Variants in WTAP observed in about 807,000 individuals in gnomAD.
WTAP encodes pre-mRNA-splicing regulator WTAP.
A neutral mutation model predicts 50.0 loss-of-function variants in WTAP; 8 were observed. The observed-to-expected ratio is 0.16, with a 90% confidence interval of 0.09 to 0.29. The LOEUF is 0.29. Among genes scored for constraint, WTAP ranks in the 10% least tolerant of loss-of-function variants. The pLI, the probability that WTAP is intolerant of heterozygous loss-of-function variation, is 1.00. For missense variants in WTAP, 295 were observed against 470.7 expected, an observed-to-expected ratio of 0.63 and a Z score of 3.45; for synonymous variants, 194 against 169.0, an observed-to-expected ratio of 1.15 and a Z score of -1.15.
chr6:159,729,122 A>G (rs1778409179), intron 1 of WTAP, among the ~76,000 whole-genome samples: 1 of 152,236 alleles, frequency 6.6e-6, no homozygotes, highest in African/African-American at 2.4e-5. Flanking sequence ...CATTGTCACA[A>G]TTTGTACAGT....
chr6:159,747,510 AGGTC>A (rs1779643289), intron 5 of WTAP, among the ~76,000 whole-genome samples: 4 of 152,212 alleles, frequency 2.6e-5, no homozygotes, highest in African/African-American at 4.8e-5. Flanking sequence ...TTTTGGCTTA[AGGTC>A]CTATAGAGTT....
rs185239346 is a variant in WTAP at position 159,740,772 on chromosome 6, C to T, written c.87-1316C>T. On this transcript the variant is annotated intron_variant, in intron 3 of 7. Coordinates refer to ENST00000621533, the MANE Select transcript of WTAP (RefSeq NM_001270531.2). ...AGGCTGGAATGCAGTTGCGCGATCT[C>T]GGCTCACTGCAACCGCCGCCTCCCG... Among the ~76,000 whole-genome samples, 117 of 148,884 alleles carry T rather than the reference C, an allele frequency of 7.9e-4. 1 individual carries two copies. The highest frequency in any genetic ancestry group is 2.6e-3 in the African/African-American group (105 of 40,498).
intron 6 of WTAP, among the ~76,000 whole-genome samples, chr6:159,751,187 A>AT (rs1294370711): frequency 1.3e-5 from 2 of 152,180 alleles, no homozygotes; most frequent in Non-Finnish European, 2.9e-5. Flanking sequence ...GTTAAAATTT[A>AT]TTTTACTAAT....
chr6:159,731,530 A>G lies in WTAP; in HGVS notation c.-9+3827A>G, dbSNP rs148497199. 6.3e-3 allele frequency among the ~76,000 whole-genome samples: 957 copies of G among 152,342 alleles called. 11 individuals carry two copies. The highest frequency in any genetic ancestry group is 0.022 in the African/African-American group (923 of 41,576). The stretch of plus-strand genomic sequence containing the variant: ...CTGTTTAGAATCCTAAATATTGGAG[A>G]TGCCAAAGAATTCTGCAGTAAGTGT... On this transcript the variant is annotated intron_variant, in intron 1 of 7. Transcript: ENST00000621533.
upstream of WTAP, chr6:159,727,029 A>C: frequency 8.1e-7 from 1 of 1,232,862 alleles, no homozygotes; most frequent in African/African-American, 1.6e-5. Context: ...CCGCAGCCGC[A>C]GGTGGCCCCG....
At chr6:159,739,705 CGGA>C (rs1779126929) in intron 3 of WTAP, among the ~76,000 whole-genome samples, 1 of 151,810 alleles carries the variant, frequency 6.6e-6, no homozygotes, top group African/African-American at 2.4e-5. Context: ...AGGCTGAAAG[CGGA>C]GGAGAGAAAA....
intron 7 of WTAP, among the ~76,000 whole-genome samples, chr6:159,753,992 G>A (rs990935861): frequency 1.3e-5 from 2 of 152,120 alleles, no homozygotes; most frequent in South Asian, 2.1e-4. Flanking sequence ...AGTTTTCAGC[G>A]ATCTGAAAGT....
At position 159,755,071 on chromosome 6, in the gene WTAP, T is replaced by A; in HGVS notation, c.651T>A (p.Gly217=). 6.2e-7 allele frequency: 1 copy of A among 1,614,026 alleles called. No individual in the cohort carries two copies. The highest frequency in any genetic ancestry group is 1.1e-5 in the South Asian group (1 of 91,054). Residue 217 remains glycine, a synonymous_variant, in exon 8 of 8, where the codon GGT becomes GGA. Transcript: ENST00000621533. ...TCCAGCTTGATGAAGAAGTAGAGGGTATGCAGAGTACCATTCTAGTTCTGC... is the reference window on the plus strand; with the variant it reads ...TCCAGCTTGATGAAGAAGTAGAGGGAATGCAGAGTACCATTCTAGTTCTGC... The part of the protein sequence containing the change: ...FIIQLDEEVE[G]MQSTILVLQQ...
At chr6:159,727,374 T>TGGCAGGAGGCGGGGGGCGGGA, upstream of WTAP, 3 of 1,032,508 alleles carry the variant, frequency 2.9e-6, no homozygotes, top group South Asian at 1.6e-5. Context: ...GCGGGGAGGC[T>TGGCAGGAGGCGGGGGGCGGGA]GGCGGGAGGC....
In WTAP at chr6:159,755,560, C is replaced by T. The variant is rs757868664; in HGVS notation, c.1140C>T (p.His380=). Residue 380 remains histidine, a synonymous_variant, in exon 8 of 8, where the codon CAC becomes CAT. Transcript: ENST00000621533. The part of the protein sequence containing the change: ...GKGNRTVGSR[H]VQNGLDSSVN... ...GTAATCGAACTGTGGGTTCCCGCCA[C>T]GTTCAGAATGGCTTGGACTCAAGTG... 85 of 1,614,024 alleles carry T rather than the reference C, an allele frequency of 5.3e-5. No homozygotes were observed. Among genetic ancestry groups the T allele is most frequent in the South Asian group, 4.9e-4 (45 of 91,070 alleles).
chr6:159,726,930 A>C (rs999813487), upstream of WTAP: 27 of 1,288,572 alleles, frequency 2.1e-5, no homozygotes, highest in African/African-American at 3.0e-5. Context: ...TGGTCCTCCG[A>C]CACGCGGAAG....
At chr6:159,729,042 A>G (rs1778402222) in intron 1 of WTAP, among the ~76,000 whole-genome samples, 1 of 152,124 alleles carries the variant, frequency 6.6e-6, no homozygotes. Context: ...ATTTTTGTGT[A>G]TTGTTTGTCA....
At chr6:159,744,787 A>G (rs1205161332) in intron 5 of WTAP, among the ~76,000 whole-genome samples, 1 of 151,910 alleles carries the variant, frequency 6.6e-6, no homozygotes, top group Non-Finnish European at 1.5e-5. Flanking sequence ...TGGTGTAATC[A>G]CACCTCACTT....
chr6:159,753,931 G>C (rs962995652), intron 7 of WTAP, among the ~76,000 whole-genome samples: 1 of 152,204 alleles, frequency 6.6e-6, no homozygotes, highest in Admixed American at 6.5e-5. Context: ...TTCATTGTTT[G>C]AAAGGGAGAA....
intron 4 of WTAP, among the ~76,000 whole-genome samples, chr6:159,743,222 T>A (rs186791783): frequency 7.9e-5 from 12 of 152,254 alleles, no homozygotes; most frequent in African/African-American, 2.9e-4. Flanking sequence ...TAATTTTGTA[T>A]TTTTAGTAGA....
chr6:159,739,226 C>A (rs1779097509), intron 3 of WTAP, among the ~76,000 whole-genome samples, 181 bp downstream of exon 3: 1 of 152,130 alleles, frequency 6.6e-6, no homozygotes, highest in Non-Finnish European at 1.5e-5. Context: ...AAACGTAACA[C>A]TTTAAAGAAC....
Position 159,739,201 on chromosome 6 carries a change from T to C in WTAP, c.86+156T>C, listed in dbSNP as rs570611103. On this transcript the variant is annotated intron_variant, in intron 3 of 7. Transcript: ENST00000621533. ...TGAGCATACTATGACCTATTTCTTATATTAACACCGAGGAAAACGTAACAC... is the reference window on the plus strand; with the variant it reads ...TGAGCATACTATGACCTATTTCTTACATTAACACCGAGGAAAACGTAACAC... 6.2e-4 allele frequency among the ~76,000 whole-genome samples: 94 copies of C among 152,348 alleles called. 1 individual carries two copies. The highest frequency in any genetic ancestry group is 8.7e-4 in the Non-Finnish European group (59 of 68,014).
intron 3 of WTAP, among the ~76,000 whole-genome samples, chr6:159,740,046 T>G (rs1779156701): frequency 6.6e-6 from 1 of 151,854 alleles, no homozygotes; most frequent in Non-Finnish European, 1.5e-5. Context: ...AGAGGTGAGG[T>G]GCTGCTCAGG....
Position 159,755,483 on chromosome 6 carries a change from GAC to G in WTAP, c.1067_1068del (p.Thr356ArgfsTer5). The G allele has an allele frequency of 6.2e-7, 1 of 1,614,140 alleles. No individual in the cohort carries two copies. Among genetic ancestry groups the G allele is most frequent in the Non-Finnish European group, 8.5e-7 (1 of 1,180,028 alleles). ...SENSLTHQSN[D>X]TDSSHDPQEE... ...AAACTCTCTCACACACCAATCAAAT[GAC>G]ACAGACTCCAGTCATGACCCTCAAG... On this transcript the variant is annotated frameshift_variant, in exon 8 of 8. Transcript: ENST00000621533. LOFTEE classifies it high-confidence loss of function.
Sources: allele counts gnomAD v4.1 joint callset (sites outside exome capture counted in the v4.1 genomes callset), GRCh38; gene constraint gnomAD v4.1.1; transcripts MANE v1.5; gene names NCBI Gene and HGNC (gene_info 2026-07-23, HGNC 2026-07-21).